The following CCDC18 variants were observed in gnomAD, a reference collection of about 807,000 sequenced individuals.
The protein encoded by CCDC18 is coiled-coil domain containing 18.
A neutral mutation model predicts 196.0 loss-of-function variants in CCDC18; 157 were observed. The observed-to-expected ratio is 0.80, with a 90% confidence interval of 0.70 to 0.91. The LOEUF is 0.91. Ranked by LOEUF, CCDC18 falls within the 40% of genes least tolerant of loss-of-function variation. The pLI is 0.00. For missense variants in CCDC18, 1,465 were observed against 1,611.6 expected, an observed-to-expected ratio of 0.91 and a Z score of 1.56; for synonymous variants, 482 against 529.2, an observed-to-expected ratio of 0.91 and a Z score of 1.22.
intron 23 of CCDC18, among the ~76,000 whole-genome samples, chr1:93,252,041 C>CT (rs1662333322): frequency 1.3e-5 from 2 of 151,744 alleles, no homozygotes; most frequent in Non-Finnish European, 2.9e-5. Context: ...ATCTATCTAT[C>CT]AAACTAATTA....
At chr1:93,213,154 A>T (rs1342822268) in intron 11 of CCDC18, among the ~76,000 whole-genome samples, 2 of 151,938 alleles carry the variant, frequency 1.3e-5, no homozygotes, top group Non-Finnish European at 2.9e-5. Context: ...AGCTTTGCTC[A>T]TTCGCCTGCC....
rs1489652510 is a variant in CCDC18, at chr1:93,270,769, A to T, written c.4308A>T (p.Arg1436Ser). The change falls in exon 28 of 29, where the codon AGA (arginine) becomes AGT (serine). Residue 1436 changes from arginine (R) to serine (S), a missense_variant. Coordinates refer to ENST00000690025, the MANE Select transcript of CCDC18 (RefSeq NM_001378204.1). ...TAAGATACATAAACAAAGAAGTAAG[A>T]CTATTAAAAAAGTCTTCTATGCAAA... is the stretch of plus-strand genomic sequence containing the variant. ...GMLRYINKEV[R>S]LLKKSSMQTG... is the part of the protein sequence containing the mutation. 6.5e-7 allele frequency: 1 copy of T among 1,546,540 alleles called. No individual in the cohort carries two copies. Among genetic ancestry groups the T allele is most frequent in the Non-Finnish European group, 8.7e-7 (1 of 1,145,706 alleles).
intron 28 of CCDC18, chr1:93,271,563 A>C: frequency 1.0e-6 from 1 of 978,482 alleles, no homozygotes; most frequent in Non-Finnish European, 1.2e-6. Flanking sequence ...AGCTGGGTGC[A>C]GTGGCACATG....
chr1:93,250,378 C>CAAA (rs71094242), intron 23 of CCDC18, among the ~76,000 whole-genome samples: 7 of 89,400 alleles, frequency 7.8e-5, no homozygotes, highest in Admixed American at 1.2e-4. Flanking sequence ...GAGACCCTGT[C>CAAA]AAAAAAAAAA....
At position 93,205,637 on chromosome 1, in the gene CCDC18, G is replaced by A; in HGVS notation, c.917+6G>A. The A allele has an allele frequency of 5.1e-6, 8 of 1,579,534 alleles. No homozygotes were observed. Among genetic ancestry groups the A allele is most frequent in the Non-Finnish European group, 6.9e-6 (8 of 1,166,622 alleles). ...ATTCTGAAAGAGAAATTAAGGTACA[G>A]TATTCTGTTGTAGAAAAAGGATTTT... On this transcript the variant is annotated splice_donor_region_variant and intron_variant, in intron 8 of 28. Coordinates refer to ENST00000690025, the MANE Select transcript of CCDC18 (RefSeq NM_001378204.1).
At chr1:93,201,684 G>GCTATA (rs1557617521) in intron 6 of CCDC18, among the ~76,000 whole-genome samples, 1 of 151,344 alleles carries the variant, frequency 6.6e-6, no homozygotes, top group African/African-American at 2.4e-5. Flanking sequence ...ATTGTTTTGT[G>GCTATA]TTTTATTTTT....
At chr1:93,226,162 A>G (rs1233496603) in intron 16 of CCDC18, among the ~76,000 whole-genome samples, 171 bp from the exon 17 acceptor site, 11 of 152,090 alleles carry the variant, frequency 7.2e-5, no homozygotes, top group African/African-American at 2.4e-4. Flanking sequence ...CTCATTTGCA[A>G]TGAAGAATTA....
At chr1:93,277,991 AT>A (rs930280534) in intron 28 of CCDC18, among the ~76,000 whole-genome samples, 2 of 151,586 alleles carry the variant, frequency 1.3e-5, no homozygotes, top group African/African-American at 4.8e-5. Flanking sequence ...TATTTATTTT[AT>A]TTTATTTTTT....
rs183031062 is a variant in CCDC18 at position 93,194,708 on chromosome 1, A to G, written c.698+964A>G. Among the ~76,000 whole-genome samples the G allele has an allele frequency of 2.6e-5, 4 of 152,358 alleles. No homozygotes were observed. In the East Asian group the frequency reaches 7.7e-4, roughly 29 times the overall value. ...ATACTCTAGAATTCACACTTCACTT[A>G]CTCAGATAAGCTTTGCACGTGGTTA... is the stretch of plus-strand genomic sequence containing the variant. On this transcript the variant is annotated intron_variant, in intron 6 of 28. Coordinates refer to ENST00000690025, the MANE Select transcript of CCDC18 (RefSeq NM_001378204.1).
chr1:93,183,976 A>T lies in CCDC18; in HGVS notation c.135-2A>T. On this transcript the variant is annotated splice_acceptor_variant, in intron 2 of 28. Transcript: ENST00000690025. LOFTEE classifies it high-confidence loss of function. Reference sequence around the variant, plus strand: ...GAAATATGTTTTTTCTTTTTTCTCTAGTGTTAGTCCAAGTGAAAATTCTGA... The same window carrying T: ...GAAATATGTTTTTTCTTTTTTCTCTTGTGTTAGTCCAAGTGAAAATTCTGA... 1 of 1,503,546 alleles carries T rather than the reference A, an allele frequency of 6.7e-7. No homozygotes were observed. The highest frequency in any genetic ancestry group is 1.9e-5 in the Admixed American group (1 of 51,324). 93.1% of individuals were successfully genotyped at this position (1,503,546 alleles called of 1,614,324 possible).
In CCDC18 at chr1:93,239,426, T is replaced by C; in HGVS notation, c.2720T>C (p.Met907Thr). Residue 907 changes from methionine to threonine, a missense_variant, in exon 20 of 29, where the codon ATG becomes ACG. Met to Thr is a moderately conservative substitution (Grantham distance 81, BLOSUM62 -1). Coordinates refer to ENST00000690025, the MANE Select transcript of CCDC18 (RefSeq NM_001378204.1). ...NKAMHLSQLDMILDQTKTELE... is the reference protein window; with the variant it reads ...NKAMHLSQLDTILDQTKTELE... ...GCAATGCACCTCTCTCAATTAGATA[T>C]GATCTTAGATCAGACAAAGACAGAG... The C allele has an allele frequency of 6.2e-7, 1 of 1,613,132 alleles. No homozygotes were observed. Among genetic ancestry groups the C allele is most frequent in the Non-Finnish European group, 8.5e-7 (1 of 1,179,556 alleles).
intron 23 of CCDC18, among the ~76,000 whole-genome samples, chr1:93,249,398 GA>G (rs1661939659): frequency 6.8e-6 from 1 of 147,670 alleles, no homozygotes; most frequent in Admixed American, 6.6e-5. Context: ...ATCTTTTCAA[GA>G]AATTAACTCT....
At chr1:93,211,601 G>A (rs1392123574) in intron 10 of CCDC18, among the ~76,000 whole-genome samples, 1 of 151,998 alleles carries the variant, frequency 6.6e-6, no homozygotes, top group Non-Finnish European at 1.5e-5. Context: ...CGTATACTGT[G>A]TGCAATTTTG....
chr1:93,182,147 C>T (rs1649824707), intron 1 of CCDC18, among the ~76,000 whole-genome samples: 1 of 151,522 alleles, frequency 6.6e-6, no homozygotes. Flanking sequence ...TTTGTGGAAA[C>T]AAAAAAGGGA....
chr1:93,198,118 C>A (rs1417557878), intron 6 of CCDC18, among the ~76,000 whole-genome samples: 1 of 152,126 alleles, frequency 6.6e-6, no homozygotes, highest in African/African-American at 2.4e-5. Context: ...TTGTCAGTAG[C>A]TGCTAAAGGT....
At chr1:93,260,588 T>A (rs1394637419) in intron 26 of CCDC18, among the ~76,000 whole-genome samples, 2 of 151,998 alleles carry the variant, frequency 1.3e-5, no homozygotes, top group Admixed American at 6.6e-5. Context: ...GAAAAGAGGA[T>A]CAATAATTTT....
At chr1:93,215,791 G>A (rs1226270463) in intron 12 of CCDC18, among the ~76,000 whole-genome samples, 1 of 152,112 alleles carries the variant, frequency 6.6e-6, no homozygotes. Flanking sequence ...TATTTCTGCT[G>A]TTTAAAGAGT....
intron 28 of CCDC18, 33 bp from the exon 29 acceptor site, chr1:93,278,430 C>A: frequency 1.1e-6 from 1 of 914,092 alleles, no homozygotes. Flanking sequence ...AGGAATATTT[C>A]AAATATTAAT....
intron 7 of CCDC18, among the ~76,000 whole-genome samples, chr1:93,203,859 A>C (rs1377788154): frequency 6.6e-6 from 1 of 152,172 alleles, no homozygotes; most frequent in East Asian, 1.9e-4. Context: ...AAATTTAGAA[A>C]GATGAGGAAC....
Sources: gnomAD v4.1 joint callset for allele counts (sites outside exome capture counted in the v4.1 genomes callset) on GRCh38, gnomAD v4.1.1 for gene constraint, MANE v1.5 for transcripts, NCBI Gene and HGNC (gene_info 2026-07-23, HGNC 2026-07-21) for gene names.